The following NDUFS4 variants were observed in gnomAD, a reference collection of about 807,000 sequenced individuals.
The protein encoded by NDUFS4 is NADH dehydrogenase [ubiquinone] iron-sulfur protein 4, mitochondrial.
NDUFS4 carries 28 observed loss-of-function variants against 24.3 expected under a neutral mutation model. The ratio of observed to expected loss-of-function variants is 1.15; its 90% CI spans 0.85 to 1.58. The LOEUF is 1.58. NDUFS4 is among the 40% of genes most tolerant of loss of function. The probability of loss-of-function intolerance (pLI) is 0.00; values close to 1 mark genes in which losing one functional copy is unlikely to be tolerated. For synonymous variants in NDUFS4, 93 were observed against 69.7 expected, an observed-to-expected ratio of 1.34 and a Z score of -1.67; for missense variants, 223 against 207.9, an observed-to-expected ratio of 1.07 and a Z score of -0.45.
chr5:53,586,405 C>A (rs1034986507), intron 1 of NDUFS4, among the ~76,000 whole-genome samples: 1 of 151,660 alleles, frequency 6.6e-6, no homozygotes, highest in African/African-American at 2.4e-5. Context: ...CTAAATCTTT[C>A]CTTGATTTGA....
At chr5:53,584,292 T>C (rs1749670012) in intron 1 of NDUFS4, among the ~76,000 whole-genome samples, 1 of 152,194 alleles carries the variant, frequency 6.6e-6, no homozygotes, top group Non-Finnish European at 1.5e-5. Flanking sequence ...GTTTGGTGAA[T>C]TGAGAATAGG....
At chr5:53,623,712 T>A (rs1309213328) in intron 2 of NDUFS4, among the ~76,000 whole-genome samples, 2 of 144,812 alleles carry the variant, frequency 1.4e-5, no homozygotes, top group Non-Finnish European at 3.0e-5. Context: ...TTGATCTGTT[T>A]TTTTGTTTGC....
chr5:53,669,845 T>G (rs960776862), intron 4 of NDUFS4, among the ~76,000 whole-genome samples: 1 of 152,206 alleles, frequency 6.6e-6, no homozygotes, highest in Non-Finnish European at 1.5e-5. Flanking sequence ...TTGTAAATGA[T>G]TCTCCAGATT....
intron 1 of NDUFS4, among the ~76,000 whole-genome samples, chr5:53,567,554 T>C (rs989869144): frequency 6.6e-6 from 1 of 152,190 alleles, no homozygotes; most frequent in African/African-American, 2.4e-5. Context: ...TAACAAGATA[T>C]ACTGGACATT....
At position 53,606,470 on chromosome 5, in the gene NDUFS4, G is replaced by C. The variant is rs1336845383; in HGVS notation, c.177+2940G>C. Among the ~76,000 whole-genome samples the C allele has an allele frequency of 5.3e-5, 8 of 151,972 alleles. No individual in the cohort carries two copies. In the East Asian group the frequency reaches 1.6e-3, roughly 30 times the overall value. On this transcript the variant is annotated intron_variant, in intron 2 of 4. Transcript: ENST00000296684. Reference sequence around the variant, plus strand: ...GCTACCTCCGCCTCCCAGTTCAAGTGATTCTTATGCCTCAGCCTCCCGAGT... The same window carrying C: ...GCTACCTCCGCCTCCCAGTTCAAGTCATTCTTATGCCTCAGCCTCCCGAGT...
At chr5:53,575,530 CTTTTTTTTTTTTT>C (rs36051026) in intron 1 of NDUFS4, among the ~76,000 whole-genome samples, 20 of 76,148 alleles carry the variant, frequency 2.6e-4, no homozygotes, top group Non-Finnish European at 3.1e-4. Context: ...TGATCAGATT[CTTTTTTTTTTTTT>C]TTTTTTTTTT....
intron 4 of NDUFS4, among the ~76,000 whole-genome samples, chr5:53,660,941 T>G (rs1406807225): frequency 6.6e-6 from 1 of 152,228 alleles, no homozygotes; most frequent in South Asian, 2.1e-4. Flanking sequence ...TTTCTCCCAT[T>G]CTGTAGGTTG....
At chr5:53,563,670 T>C (rs1282024778) in intron 1 of NDUFS4, among the ~76,000 whole-genome samples, 1 of 152,030 alleles carries the variant, frequency 6.6e-6, no homozygotes, top group Non-Finnish European at 1.5e-5. Context: ...CCCAGCTAAT[T>C]TTTTTATTTT....
intron 2 of NDUFS4, among the ~76,000 whole-genome samples, chr5:53,605,829 A>G (rs572895359): frequency 2.2e-4 from 33 of 152,062 alleles, no homozygotes; most frequent in Non-Finnish European, 4.7e-4. Context: ...CCTGGCTAAC[A>G]TGGTGAAACC....
At chr5:53,593,222 C>T (rs574289267) in intron 1 of NDUFS4, among the ~76,000 whole-genome samples, 45 of 152,098 alleles carry the variant, frequency 3.0e-4, no homozygotes, top group Middle Eastern at 3.4e-3. Flanking sequence ...TAGATATAGG[C>T]CTGTCCCGAT....
intron 2 of NDUFS4, among the ~76,000 whole-genome samples, chr5:53,610,298 GACAC>G (rs1225170839): frequency 6.6e-6 from 1 of 152,118 alleles, no homozygotes; most frequent in Non-Finnish European, 1.5e-5. Flanking sequence ...GTCAGTGGAG[GACAC>G]ACACAACCTT....
chr5:53,582,028 G>C lies in NDUFS4; in HGVS notation c.98+21268G>C, dbSNP rs1202093551. 5.9e-5 allele frequency among the ~76,000 whole-genome samples: 9 copies of C among 152,064 alleles called. 1 individual carries two copies. The South Asian group carries it at 1.0e-3, about 18-fold the overall frequency. ...AGATTGAGACCATCCTGGCTAACAC[G>C]GTGAAACCCTGTCTCTACTAAAAAT... is the stretch of plus-strand genomic sequence containing the variant. On this transcript the variant is annotated intron_variant, in intron 1 of 4. Transcript: ENST00000296684.
intron 1 of NDUFS4, among the ~76,000 whole-genome samples, chr5:53,584,852 C>G (rs1332756424): frequency 6.6e-6 from 1 of 152,118 alleles, no homozygotes; most frequent in Admixed American, 6.5e-5. Context: ...ACTGCATCCT[C>G]TGCCTCCTGG....
chr5:53,621,911 A>G (rs1487881533), intron 2 of NDUFS4, among the ~76,000 whole-genome samples: 1 of 151,880 alleles, frequency 6.6e-6, no homozygotes, highest in Non-Finnish European at 1.5e-5. Flanking sequence ...CGTGTTAGCC[A>G]GGATGGTCTC....
At chr5:53,667,486 CAAAAAAAAAAA>C (rs34400470) in intron 4 of NDUFS4, among the ~76,000 whole-genome samples, 1 of 135,918 alleles carries the variant, frequency 7.4e-6, no homozygotes, top group Non-Finnish European at 1.6e-5. Context: ...ACTCTGTCTC[CAAAAAAAAAAA>C]AAAAAAGGTG....
intron 2 of NDUFS4, among the ~76,000 whole-genome samples, chr5:53,612,698 A>C (rs1235663051): frequency 6.6e-6 from 1 of 152,088 alleles, no homozygotes; most frequent in Non-Finnish European, 1.5e-5. Flanking sequence ...GCAATAAATA[A>C]ATCGCTGTTT....
At chr5:53,589,819 G>A (rs1749886087) in intron 1 of NDUFS4, among the ~76,000 whole-genome samples, 1 of 152,156 alleles carries the variant, frequency 6.6e-6, no homozygotes, top group South Asian at 2.1e-4. Flanking sequence ...GACTGGCCTA[G>A]CCTCCCAGCC....
At chr5:53,682,077 G>T (rs1448534848) in intron 4 of NDUFS4, among the ~76,000 whole-genome samples, 1 of 152,060 alleles carries the variant, frequency 6.6e-6, no homozygotes, top group African/African-American at 2.4e-5. Flanking sequence ...GATGTTATTT[G>T]AATAAAGTCC....
chr5:53,568,995 G>C (rs1749129541), intron 1 of NDUFS4, among the ~76,000 whole-genome samples: 1 of 152,068 alleles, frequency 6.6e-6, no homozygotes, highest in South Asian at 2.1e-4. Flanking sequence ...CCTTGAATAG[G>C]GCTTACTGGA....
Sources: allele counts gnomAD v4.1 joint callset (sites outside exome capture counted in the v4.1 genomes callset), GRCh38; gene constraint gnomAD v4.1.1; transcripts MANE v1.5; gene names NCBI Gene and HGNC (gene_info 2026-07-23, HGNC 2026-07-21).